IFRD1: variants seen among roughly 807,000 people sequenced by gnomAD.
The protein encoded by IFRD1 is interferon related developmental regulator 1, also known as interferon-related developmental regulator 1.
In IFRD1, 35 loss-of-function variants were observed where a neutral mutation model predicts 52.9. That is an observed-to-expected ratio of 0.66 (90% CI 0.51 to 0.88). IFRD1 has a LOEUF of 0.88. Among genes scored for constraint, IFRD1 ranks in the 40% least tolerant of loss-of-function variants. IFRD1 has a pLI of 0.00. For missense variants in IFRD1, 517 were observed against 550.8 expected, an observed-to-expected ratio of 0.94 and a Z score of 0.61; for synonymous variants, 184 against 188.4, an observed-to-expected ratio of 0.98 and a Z score of 0.19.
chr7:112,462,699 C>A (rs1795471717), intron 8 of IFRD1, among the ~76,000 whole-genome samples: 1 of 152,146 alleles, frequency 6.6e-6, no homozygotes, highest in African/African-American at 2.4e-5. Context: ...ATACCCAATA[C>A]ATCAAGCTAA....
rs576536455 is a variant in IFRD1 at position 112,471,914 on chromosome 7, C to T, written c.1042-305C>T. ...CTCTCCCATCCTAGGCCATTAAAAACACCTGACTTTTTTTAAGTTTGTTGA... is the reference window on the plus strand; with the variant it reads ...CTCTCCCATCCTAGGCCATTAAAAATACCTGACTTTTTTTAAGTTTGTTGA... On this transcript the variant is annotated intron_variant, in intron 9 of 11. Coordinates refer to ENST00000403825, the MANE Select transcript of IFRD1 (RefSeq NM_001550.4). Among the ~76,000 whole-genome samples the T allele has an allele frequency of 3.0e-4, 45 of 152,272 alleles. 2 individuals are homozygous for T. In the South Asian group the frequency reaches 9.3e-3, roughly 32 times the overall value.
chr7:112,433,703 T>TA (rs1273425812), intron 1 of IFRD1, among the ~76,000 whole-genome samples: 1 of 152,242 alleles, frequency 6.6e-6, no homozygotes, highest in Non-Finnish European at 1.5e-5. Context: ...TAGTTCTGCC[T>TA]ATACCCAGGA....
At chr7:112,450,090 T>C (rs1430818360), upstream of IFRD1, 1 of 155,036 alleles carries the variant, frequency 6.5e-6, no homozygotes, top group Non-Finnish European at 1.4e-5. Flanking sequence ...TAGGGCATAC[T>C]CGCCCCACTG....
In IFRD1 at chr7:112,454,857, G is replaced by GTTTT. The variant is rs398005875; in HGVS notation, c.95-882_95-879dup. Among the ~76,000 whole-genome samples, 5 of 78,810 alleles carry GTTTT rather than the reference G, an allele frequency of 6.3e-5. 1 individual carries two copies. Among genetic ancestry groups the GTTTT allele is most frequent in the Non-Finnish European group, 9.1e-5 (4 of 43,874 alleles). 51.7% of individuals were successfully genotyped at this position (78,810 alleles called of 152,430 possible). On this transcript the variant is annotated intron_variant, in intron 1 of 11. Transcript: ENST00000403825. ...AAATAATTATTTCATCTTCATATCA[G>GTTTT]TTTTTTTTTTTTTTTTTTTTTTTTT...
intron 9 of IFRD1, among the ~76,000 whole-genome samples, chr7:112,471,265 C>T (rs994555293): frequency 6.6e-6 from 1 of 152,096 alleles, no homozygotes; most frequent in Non-Finnish European, 1.5e-5. Context: ...CCCCATTTTA[C>T]GGGCAAGGGA....
chr7:112,467,846 C>T (rs1401409722), intron 8 of IFRD1, 135 bp from the exon 9 acceptor site: 2 of 846,266 alleles, frequency 2.4e-6, no homozygotes, highest in East Asian at 2.7e-5. Flanking sequence ...GTGCCTAGTC[C>T]CTAAATACCA....
At chr7:112,460,716 A>G (rs1795413735) in intron 5 of IFRD1, among the ~76,000 whole-genome samples, 1 of 152,092 alleles carries the variant, frequency 6.6e-6, no homozygotes, top group Non-Finnish European at 1.5e-5. Flanking sequence ...TATAATGACA[A>G]TAAAATAGTG....
At chr7:112,457,764 C>T (rs1252192965) in intron 4 of IFRD1, 1 of 152,006 alleles carries the variant, frequency 6.6e-6, no homozygotes, top group Non-Finnish European at 1.5e-5. Flanking sequence ...CTTATTCAGC[C>T]AAGTAAGAAC....
At chr7:112,431,973 T>G (rs1336512574) in intron 1 of IFRD1, among the ~76,000 whole-genome samples, 1 of 152,234 alleles carries the variant, frequency 6.6e-6, no homozygotes, top group Non-Finnish European at 1.5e-5. Context: ...AACAAACAAG[T>G]GATTCTTGCT....
chr7:112,460,973 G>GT (rs1365456730), intron 5 of IFRD1, among the ~76,000 whole-genome samples: 1 of 152,164 alleles, frequency 6.6e-6, no homozygotes, highest in Non-Finnish European at 1.5e-5. Context: ...GAAGGCTTCT[G>GT]TTTATGTTGC....
chr7:112,470,668 C>T (rs1795723069), intron 9 of IFRD1, among the ~76,000 whole-genome samples: 1 of 152,112 alleles, frequency 6.6e-6, no homozygotes, highest in Non-Finnish European at 1.5e-5. Flanking sequence ...TTCCAGGATC[C>T]CCCTCAGATA....
chr7:112,462,527 T>C (rs528247477), intron 8 of IFRD1, 149 bp downstream of exon 8: 68 of 709,152 alleles, frequency 9.6e-5, no homozygotes, highest in Non-Finnish European at 1.7e-4. Context: ...GCAGTGGTGG[T>C]GTAATACTTT....
rs201320905 is a variant in IFRD1 at position 112,458,816 on chromosome 7, T to A, written c.410-45T>A. ...GGAAATAACTGTCTTAGTAAGTTAG[T>A]CTACTGAAAAGACTATCGTGATTGC... On this transcript the variant is annotated intron_variant, in intron 4 of 11. Coordinates refer to ENST00000403825, the MANE Select transcript of IFRD1 (RefSeq NM_001550.4). 2.6e-5 allele frequency: 41 copies of A among 1,572,794 alleles called. No individual in the cohort carries two copies. The Middle Eastern group carries it at 5.0e-4, about 19-fold the overall frequency.
At chr7:112,442,988 T>A (rs952312783) in intron 1 of IFRD1, among the ~76,000 whole-genome samples, 1 of 152,248 alleles carries the variant, frequency 6.6e-6, no homozygotes, top group African/African-American at 2.4e-5. Flanking sequence ...CTAAGTACTT[T>A]ACTTGTATTG....
At chr7:112,475,086 G>A (rs1056707279) in intron 11 of IFRD1, among the ~76,000 whole-genome samples, 1 of 152,124 alleles carries the variant, frequency 6.6e-6, no homozygotes, top group African/African-American at 2.4e-5. Context: ...AGCCTCCCGA[G>A]TAGCTGGGAC....
intron 10 of IFRD1, 129 bp downstream of exon 10, chr7:112,472,476 G>C: frequency 9.8e-7 from 1 of 1,019,604 alleles, no homozygotes; most frequent in Non-Finnish European, 1.5e-6. Context: ...CAGTAAACTT[G>C]TTTTTGAAAG....
At position 112,476,772 on chromosome 7, in the gene IFRD1, A is replaced by G. The variant is rs1395971016; in HGVS notation, c.*1253A>G. On this transcript the variant is annotated 3_prime_UTR_variant, in exon 12 of 12. Transcript: ENST00000403825. ...ACTTTAGATTAAAATATATAGTGCA[A>G]GCAACATGCCATTTCAAATCCGTAG... 1 of 152,218 alleles carries G rather than the reference A, an allele frequency of 6.6e-6. No individual in the cohort carries two copies. Among genetic ancestry groups the G allele is most frequent in the Non-Finnish European group, 1.5e-5 (1 of 68,040 alleles). 9.4% of individuals were successfully genotyped at this position (152,218 alleles called of 1,614,324 possible).
At position 112,461,871 on chromosome 7, in the gene IFRD1, A is replaced by G; in HGVS notation, c.573A>G (p.Ala191=). 6.3e-7 allele frequency: 1 copy of G among 1,577,076 alleles called. No homozygotes were observed. Among genetic ancestry groups the G allele is most frequent in the East Asian group, 2.2e-5 (1 of 44,682 alleles). Residue 191 remains alanine (A), a synonymous_variant, in exon 6 of 12, where the codon GCA becomes GCG. Transcript: ENST00000403825. ...SASMQARQTC[A]TCFGVCCFIA... ...ATATATATTTTTTTTTTTAGTGTGC[A>G]ACTTGCTTTGGTGTTTGCTGTTTTA...
chr7:112,455,911 T>G, intron 2 of IFRD1, 44 bp downstream of exon 2: 1 of 1,490,804 alleles, frequency 6.7e-7, no homozygotes, highest in Non-Finnish European at 9.4e-7. Context: ...ATAAAATGTT[T>G]CAGGTGGAGG....
Sources: allele counts gnomAD v4.1 joint callset (sites outside exome capture counted in the v4.1 genomes callset), GRCh38; gene constraint gnomAD v4.1.1; transcripts MANE v1.5; gene names NCBI Gene and HGNC (gene_info 2026-07-23, HGNC 2026-07-21).